The following PNPLA1 variants were observed in gnomAD, a reference collection of about 807,000 sequenced individuals.
PNPLA1 encodes omega-hydroxyceramide transacylase.
Under a neutral mutation model 51.7 loss-of-function variants are expected in PNPLA1, and 36 were observed. The observed-to-expected ratio is 0.70, with a 90% CI of 0.53 to 0.92. The LOEUF (loss-of-function observed/expected upper bound fraction) is 0.92. Among genes scored for constraint, PNPLA1 ranks in the 40% least tolerant of loss-of-function variants. The pLI is 0.00. For synonymous variants in PNPLA1, 293 were observed against 280.1 expected (o/e 1.05, Z -0.46); for missense variants, 658 against 682.5 (o/e 0.96, Z 0.40).
At position 36,294,512 on chromosome 6, in the gene PNPLA1, G is replaced by A. The variant is rs2127346978; in HGVS notation, c.714+113G>A. On this transcript the variant is annotated intron_variant, in intron 4 of 8. Transcript: ENST00000636260. The surrounding 1 kb of genome is among the most constrained non-coding windows in gnomAD (Gnocchi z 4.2). The stretch of plus-strand genomic sequence containing the variant: ...CATCTGAGTCTCCTCCCCTCAAATG[G>A]TCCTTTAAACTTCCTCCTAGACCTG... 9.8e-7 allele frequency: 1 copy of A among 1,015,536 alleles called. No individual in the cohort carries two copies. Among genetic ancestry groups the A allele is most frequent in the Non-Finnish European group, 1.5e-6 (1 of 682,754 alleles). 62.9% of individuals were successfully genotyped at this position (1,015,536 alleles called of 1,614,324 possible).
At chr6:36,307,279 G>C (rs1771266247) in intron 7 of PNPLA1, among the ~76,000 whole-genome samples, 1 of 152,288 alleles carries the variant, frequency 6.6e-6, no homozygotes. Flanking sequence ...CTTTTTGAAA[G>C]AGTTTGTATA....
chr6:36,278,794 CA>C (rs1770189327), intron 1 of PNPLA1, among the ~76,000 whole-genome samples: 1 of 152,216 alleles, frequency 6.6e-6, no homozygotes, highest in Non-Finnish European at 1.5e-5. Context: ...TGAAATAGAA[CA>C]TTCATTCGCT....
chr6:36,294,204 G>A lies in PNPLA1; in HGVS notation c.519G>A (p.Gly173=). 1 of 1,614,160 alleles carries A rather than the reference G, an allele frequency of 6.2e-7. No homozygotes were observed. The highest frequency in any genetic ancestry group is 8.5e-7 in the Non-Finnish European group (1 of 1,180,028). ...TGCCCCCACAGAGGTACATCGATGG[G>A]GGCTTCACGGGCATGCAGCCCTGTG... ...PTYRGVRYID[G]GFTGMQPCAF... Residue 173 remains glycine (G), a synonymous_variant, in exon 4 of 9, where the codon GGG becomes GGA. Coordinates refer to ENST00000636260, the MANE Select transcript of PNPLA1 (RefSeq NM_001374623.1). This position sits in a 1 kb window ranked among gnomAD's most constrained non-coding sequence, Gnocchi z 4.2.
At chr6:36,261,688 T>A (rs1769652260) in intron 1 of PNPLA1, among the ~76,000 whole-genome samples, 1 of 152,236 alleles carries the variant, frequency 6.6e-6, no homozygotes, top group Non-Finnish European at 1.5e-5. Context: ...ACTTGCCATG[T>A]GCCAGGAGAA....
intron 1 of PNPLA1, among the ~76,000 whole-genome samples, chr6:36,262,595 C>G (rs1769676721): frequency 6.6e-6 from 1 of 152,206 alleles, no homozygotes; most frequent in Non-Finnish European, 1.5e-5. Context: ...CAGTCCCTTC[C>G]TCAGAAGTAA....
chr6:36,289,410 C>T (rs1295755044), intron 1 of PNPLA1, among the ~76,000 whole-genome samples: 2 of 152,210 alleles, frequency 1.3e-5, no homozygotes, highest in African/African-American at 2.4e-5. Flanking sequence ...GCCGCATCAC[C>T]TGTGAGTGGG....
chr6:36,304,159 G>A (rs1205330939), intron 6 of PNPLA1, among the ~76,000 whole-genome samples: 1 of 152,164 alleles, frequency 6.6e-6, no homozygotes, highest in Non-Finnish European at 1.5e-5. Flanking sequence ...CAGAGGGACA[G>A]AGACCCAAAT....
rs1771429773 is a variant in PNPLA1, at chr6:36,312,542, T to C, written c.*656T>C. On this transcript the variant is annotated 3_prime_UTR_variant, in exon 9 of 9. Transcript: ENST00000636260. ...GAACTAAGGTTAGGGAAGTCCTAGA[T>C]GGGGGATTTCCTAGGAAGCTGTGAG... 6.6e-6 allele frequency among the ~76,000 whole-genome samples: 1 copy of C among 152,038 alleles called. No individual in the cohort carries two copies. The highest frequency in any genetic ancestry group is 2.1e-4 in the South Asian group (1 of 4,828).
At position 36,302,049 on chromosome 6, in the gene PNPLA1, G is replaced by A; in HGVS notation, c.964G>A (p.Gly322Ser). Residue 322 changes from glycine to serine, a missense_variant, in exon 6 of 9, where the codon GGC (glycine) becomes AGC (serine). Transcript: ENST00000636260. ...KEWVPKGDGR[G>S]SHGPPVSQPV... Reference sequence around the variant, plus strand: ...GTGGGTTCCCAAAGGGGATGGAAGGGGCAGCCATGGTCCGCCTGTGTCCCA... The same window carrying A: ...GTGGGTTCCCAAAGGGGATGGAAGGAGCAGCCATGGTCCGCCTGTGTCCCA... The A allele has an allele frequency of 6.2e-7, 1 of 1,614,166 alleles. No individual in the cohort carries two copies. Among genetic ancestry groups the A allele is most frequent in the Non-Finnish European group, 8.5e-7 (1 of 1,180,034 alleles).
rs532607768 is a variant in PNPLA1, at chr6:36,302,306, G to T, written c.1221G>T (p.Pro407=). The part of the protein sequence containing the change: ...SPLSPQQQVQ[P]SGSPARSLHS... ...TGTCACCTCAGCAGCAGGTACAACC[G>T]TCTGGATCACCAGCCAGATCCCTAC... The change falls in exon 6 of 9, where the codon CCG becomes CCT. Residue 407 remains proline, a synonymous_variant. Transcript: ENST00000636260. 2 of 1,614,054 alleles carry T rather than the reference G, an allele frequency of 1.2e-6. No individual in the cohort carries two copies. Among genetic ancestry groups the T allele is most frequent in the African/African-American group, 2.7e-5 (2 of 75,022 alleles).
intron 1 of PNPLA1, among the ~76,000 whole-genome samples, chr6:36,264,191 A>G (rs1051374451): frequency 6.6e-6 from 1 of 152,258 alleles, no homozygotes; most frequent in African/African-American, 2.4e-5. Context: ...ATAAACCCAC[A>G]TTGTGACCTG....
intron 8 of PNPLA1, chr6:36,308,642 G>A (rs1328842558): frequency 1.3e-5 from 2 of 152,142 alleles, no homozygotes; most frequent in East Asian, 1.9e-4. Context: ...TTAGATCAAA[G>A]ATAAGACTAA....
intron 8 of PNPLA1, among the ~76,000 whole-genome samples, chr6:36,308,829 T>A (rs1771321557): frequency 2.0e-5 from 3 of 152,186 alleles, no homozygotes; most frequent in South Asian, 4.1e-4. Flanking sequence ...CATTGGGTTA[T>A]CAAAGTATTT....
rs777838302 is a variant in PNPLA1, at chr6:36,255,917, A to G, written c.-81+12656A>G. Reference sequence around the variant, plus strand: ...CTGAAATGCAGATCTTAGATTCAGTAGGTCTGGGCTTGGGCTGAGATGTTG... The same window carrying G: ...CTGAAATGCAGATCTTAGATTCAGTGGGTCTGGGCTTGGGCTGAGATGTTG... On this transcript the variant is annotated intron_variant, in intron 1 of 7. Transcript: ENST00000312917. Among the ~76,000 whole-genome samples, 25 of 152,340 alleles carry G rather than the reference A, an allele frequency of 1.6e-4. No individual in the cohort carries two copies. In the South Asian group the frequency reaches 2.7e-3, roughly 16 times the overall value.
At chr6:36,306,183 G>C (rs1771228009) in intron 6 of PNPLA1, 109 bp from the exon 7 acceptor site, 1 of 818,742 alleles carries the variant, frequency 1.2e-6, no homozygotes, top group African/African-American at 1.7e-5. Context: ...GGACAAGAGA[G>C]TTCTTTGCTG....
At chr6:36,250,375 A>C (rs1769394521) in intron 1 of PNPLA1, among the ~76,000 whole-genome samples, 1 of 152,328 alleles carries the variant, frequency 6.6e-6, no homozygotes, top group African/African-American at 2.4e-5. Flanking sequence ...AAAAGCTGAG[A>C]ATATCATGGT....
intron 1 of PNPLA1, among the ~76,000 whole-genome samples, chr6:36,281,324 A>G (rs189540470): frequency 0.023 from 3,438 of 152,274 alleles, 299 homozygotes; most frequent in Admixed American, 0.15. Context: ...TTCATTAAAA[A>G]TCACTCCCAA....
At chr6:36,287,445 C>T (rs79575149) in intron 1 of PNPLA1, among the ~76,000 whole-genome samples, 1,819 of 152,222 alleles carry the variant, frequency 0.012, 31 homozygotes, top group African/African-American at 0.041. Context: ...ACATTGGGTC[C>T]GCGGTGCTGC....
chr6:36,289,697 G>T (rs1582075607), intron 1 of PNPLA1, among the ~76,000 whole-genome samples: 2 of 152,150 alleles, frequency 1.3e-5, no homozygotes, highest in East Asian at 3.8e-4. Flanking sequence ...AGGGAAAGAA[G>T]GTGGGGTATG....
Sources: allele counts gnomAD v4.1 joint callset (sites outside exome capture counted in the v4.1 genomes callset), GRCh38; gene constraint gnomAD v4.1.1; non-coding constraint Gnocchi (gnomAD v3.1); transcripts MANE v1.5; gene names NCBI Gene and HGNC (gene_info 2026-07-23, HGNC 2026-07-21).